Variants in HEMK2 observed in about 807,000 individuals in gnomAD.
HEMK2 encodes HemK methyltransferase 2, ETF1 glutamine and histone H4 lysine.
the HEMK2 span, among the ~76,000 whole-genome samples, chr21:28,695,188 T>A: frequency 1.3e-5 from 2 of 152,144 alleles, no homozygotes; most frequent in Admixed American, 6.5e-5. Flanking sequence ...TGAAAAAATA[T>A]ATATAGCAGC....
chr21:28,739,133 G>A, the HEMK2 span, among the ~76,000 whole-genome samples: 1 of 152,158 alleles, frequency 6.6e-6, no homozygotes, highest in Non-Finnish European at 1.5e-5. Context: ...AAATTCGCGA[G>A]AGCAGCAAAA....
At chr21:28,628,240 C>A in the HEMK2 span, among the ~76,000 whole-genome samples, 3 of 151,972 alleles carry the variant, frequency 2.0e-5, no homozygotes, top group African/African-American at 7.3e-5. Flanking sequence ...TATAAGCTTC[C>A]TTTTTATTTG....
chr21:28,621,523 G>A, the HEMK2 span, among the ~76,000 whole-genome samples: 2 of 152,274 alleles, frequency 1.3e-5, no homozygotes, highest in Middle Eastern at 6.8e-3. Flanking sequence ...TGAGCAACAT[G>A]GCTGTTTATT....
the HEMK2 span, among the ~76,000 whole-genome samples, chr21:28,655,684 G>A: frequency 1.3e-5 from 2 of 152,036 alleles, no homozygotes; most frequent in Non-Finnish European, 1.5e-5. Flanking sequence ...TCATAGGATT[G>A]TGGTGTGAAT....
chr21:28,836,778 T>G, the HEMK2 span, among the ~76,000 whole-genome samples: 7 of 149,806 alleles, frequency 4.7e-5, no homozygotes, highest in East Asian at 7.8e-4. Context: ...AGCTAACACA[T>G]AAGGACTCAC....
the HEMK2 span, among the ~76,000 whole-genome samples, chr21:28,680,966 G>A: frequency 1.3e-5 from 2 of 152,126 alleles, no homozygotes; most frequent in Non-Finnish European, 2.9e-5. Context: ...GCAAAAACTG[G>A]AAGCAATCCC....
the HEMK2 span, among the ~76,000 whole-genome samples, chr21:28,688,975 A>T: frequency 6.6e-6 from 1 of 152,356 alleles, no homozygotes; most frequent in East Asian, 1.9e-4. Flanking sequence ...AGAGTTAAAT[A>T]TCTGCAACAG....
the HEMK2 span, among the ~76,000 whole-genome samples, chr21:28,644,150 T>G: frequency 6.6e-6 from 1 of 152,152 alleles, no homozygotes; most frequent in Non-Finnish European, 1.5e-5. Flanking sequence ...CAGTTCCACA[T>G]GGCTGGGGAG....
the HEMK2 span, among the ~76,000 whole-genome samples, chr21:28,700,951 G>A: frequency 1.3e-5 from 2 of 152,062 alleles, no homozygotes; most frequent in African/African-American, 4.8e-5. Context: ...TAACCTACCA[G>A]GATCAAGGAG....
chr21:28,838,702 G>A, the HEMK2 span, among the ~76,000 whole-genome samples: 4 of 151,500 alleles, frequency 2.6e-5, no homozygotes, highest in African/African-American at 9.7e-5. Flanking sequence ...CACTTTGGGA[G>A]GCCGAGGCAG....
the HEMK2 span, among the ~76,000 whole-genome samples, chr21:28,815,687 A>ACTGCCT: frequency 6.6e-6 from 1 of 152,178 alleles, no homozygotes; most frequent in African/African-American, 2.4e-5. Context: ...ACAAAGACAA[A>ACTGCCT]GATGAGCAAA....
At chr21:28,885,211 C>G in the HEMK2 span, 1 of 1,575,314 alleles carries the variant, frequency 6.3e-7, no homozygotes, top group East Asian at 2.4e-5. Context: ...CCTCCTCGCA[C>G]CCTGCCAGTT....
the HEMK2 span, among the ~76,000 whole-genome samples, chr21:28,677,232 G>A: frequency 1.2e-3 from 187 of 152,308 alleles, no homozygotes; most frequent in African/African-American, 4.3e-3. Context: ...CTTAGCAAAC[G>A]GCACAACAGA....
the HEMK2 span, among the ~76,000 whole-genome samples, chr21:28,603,541 G>GGA: frequency 2.0e-3 from 272 of 135,012 alleles, 1 homozygote; most frequent in African/African-American, 7.6e-3. Flanking sequence ...ATTTTACTGA[G>GGA]GATATATATG....
chr21:28,795,304 C>G, the HEMK2 span, among the ~76,000 whole-genome samples: 1 of 152,120 alleles, frequency 6.6e-6, no homozygotes, highest in Non-Finnish European at 1.5e-5. Flanking sequence ...GAGGAACTTG[C>G]CCCAATATCA....
At chr21:28,623,808 G>A in the HEMK2 span, among the ~76,000 whole-genome samples, 1 of 152,120 alleles carries the variant, frequency 6.6e-6, no homozygotes, top group Non-Finnish European at 1.5e-5. Context: ...ACAGGGAGGG[G>A]AACATCACAC....
At chr21:28,601,603 C>CCTCT in the HEMK2 span, among the ~76,000 whole-genome samples, 1 of 97,446 alleles carries the variant, frequency 1.0e-5, no homozygotes, top group African/African-American at 4.2e-5. Flanking sequence ...CACCTTCTGA[C>CCTCT]ATCTCTCTCT....
At chr21:28,637,817 AC>A in the HEMK2 span, among the ~76,000 whole-genome samples, 1 of 152,214 alleles carries the variant, frequency 6.6e-6, no homozygotes, top group Non-Finnish European at 1.5e-5. Flanking sequence ...ATGATAGTTT[AC>A]AACTGCTGTG....
the HEMK2 span, among the ~76,000 whole-genome samples, chr21:28,741,513 A>G: frequency 6.6e-6 from 1 of 152,014 alleles, no homozygotes; most frequent in African/African-American, 2.4e-5. Context: ...TAAGCCTAGT[A>G]CCCATTGGTT....
Sources: allele counts gnomAD v4.1 joint callset (sites outside exome capture counted in the v4.1 genomes callset), GRCh38; gene constraint gnomAD v4.1.1; transcripts MANE v1.5; gene names NCBI Gene and HGNC (gene_info 2026-07-23, HGNC 2026-07-21).